Variants in TCF4 observed in about 807,000 individuals in gnomAD.
The protein encoded by TCF4 is SL3-3 enhancer factor 2.
TCF4 carries 3 observed loss-of-function variants against 82.1 expected under a neutral mutation model. The observed-to-expected ratio is 0.04, with a 90% CI of 0.02 to 0.09. The LOEUF (loss-of-function observed/expected upper bound fraction) is 0.09. Ranked by LOEUF, TCF4 falls within the 10% of genes least tolerant of loss-of-function variation. The pLI, the probability that TCF4 is intolerant of heterozygous loss-of-function variation, is 1.00. For missense variants in TCF4, 518 were observed against 852.7 expected, an observed-to-expected ratio of 0.61 and a Z score of 4.89; for synonymous variants, 276 against 309.6, an observed-to-expected ratio of 0.89 and a Z score of 1.14.
At chr18:55,253,823 T>A in intron 15 of TCF4, among the ~76,000 whole-genome samples, 1 of 152,192 alleles carries the variant, frequency 6.6e-6, no homozygotes, top group East Asian at 1.9e-4. Flanking sequence ...CAATGTCATA[T>A]TATAATATGA....
rs909648858 is a variant in TCF4, at chr18:55,398,056, T to C, written c.369+5398A>G. On this transcript the variant is annotated intron_variant, in intron 6 of 19. Coordinates refer to ENST00000354452, the MANE Select transcript of TCF4 (RefSeq NM_001083962.2). Reference sequence around the variant, plus strand: ...TCCCCGTTAACATCCAGGAAGCTGCTGGTGGGGATAGAAGGGAAGGTATAC... The same window carrying C: ...TCCCCGTTAACATCCAGGAAGCTGCCGGTGGGGATAGAAGGGAAGGTATAC... Among the ~76,000 whole-genome samples the C allele has an allele frequency of 2.6e-5, 4 of 152,328 alleles. No homozygotes were observed. The East Asian group carries it at 7.7e-4, about 29-fold the overall frequency.
At chr18:55,367,569 C>A (rs763002360) in intron 6 of TCF4, among the ~76,000 whole-genome samples, 1 of 152,226 alleles carries the variant, frequency 6.6e-6, no homozygotes, top group Admixed American at 6.5e-5. Context: ...AAGGTAATTT[C>A]TTCCATAAAC....
At chr18:55,486,386 G>A (rs1450128247) in intron 3 of TCF4, among the ~76,000 whole-genome samples, 1 of 152,154 alleles carries the variant, frequency 6.6e-6, no homozygotes, top group East Asian at 1.9e-4. Context: ...GGGGCCAGAA[G>A]TTGGAGACCT....
chr18:55,511,753 T>TA (rs1185157640), intron 3 of TCF4, among the ~76,000 whole-genome samples: 1 of 152,114 alleles, frequency 6.6e-6, no homozygotes, highest in Non-Finnish European at 1.5e-5. Context: ...TTACATGACA[T>TA]AAAGGGAGAA....
intron 8 of TCF4, among the ~76,000 whole-genome samples, chr18:55,327,479 A>T (rs1265566088): frequency 1.3e-5 from 2 of 152,128 alleles, no homozygotes; most frequent in Admixed American, 1.3e-4. Context: ...ATCAGCGTAA[A>T]CTGTGAAATC....
rs544022537 is a variant in TCF4, at chr18:55,313,916, A to T, written c.550-34260T>A. ...ATTTTCATCCCAGATCTTCAATCCT[A>T]CTTCAATGAGTTTGACATTTCCCTC... is the stretch of plus-strand genomic sequence containing the variant. On this transcript the variant is annotated intron_variant, in intron 8 of 19. Transcript: ENST00000354452. 2.0e-5 allele frequency among the ~76,000 whole-genome samples: 3 copies of T among 152,254 alleles called. No individual in the cohort carries two copies. In the South Asian group the frequency reaches 6.2e-4, roughly 32 times the overall value.
intron 3 of TCF4, among the ~76,000 whole-genome samples, chr18:55,531,522 C>T (rs956012853): frequency 6.6e-6 from 1 of 152,110 alleles, no homozygotes; most frequent in Admixed American, 6.5e-5. Flanking sequence ...CACACACATA[C>T]ATATAAATCA....
chr18:55,430,773 C>T (rs1383833205), intron 5 of TCF4, among the ~76,000 whole-genome samples: 1 of 152,172 alleles, frequency 6.6e-6, no homozygotes, highest in Non-Finnish European at 1.5e-5. Context: ...TGCTGTGCCA[C>T]TCTAGGAGAT....
intron 2 of TCF4, among the ~76,000 whole-genome samples, chr18:55,595,051 A>C (rs939160811): frequency 6.6e-6 from 1 of 152,214 alleles, no homozygotes; most frequent in Non-Finnish European, 1.5e-5. Flanking sequence ...CCACTCTGCA[A>C]GTCCTCCAAA....
rs149394882 is a variant in TCF4, at chr18:55,301,579, T to A, written c.550-21923A>T. Among the ~76,000 whole-genome samples, 589 of 152,270 alleles carry A rather than the reference T, an allele frequency of 3.9e-3. 2 individuals are homozygous for A. Among genetic ancestry groups the A allele is most frequent in the Admixed American group, 7.6e-3 (117 of 15,300 alleles). ...TAAACACACGCAACGGCTCTAATTT[T>A]TCTTCCTTCCCCCTATCCCATTATA... On this transcript the variant is annotated intron_variant, in intron 8 of 19. Transcript: ENST00000354452.
At chr18:55,326,177 A>C (rs374900310) in intron 8 of TCF4, among the ~76,000 whole-genome samples, 7 of 152,246 alleles carry the variant, frequency 4.6e-5, no homozygotes, top group Admixed American at 3.3e-4. Context: ...GGTCAGACAC[A>C]TCTTGATGAG....
chr18:55,246,728 T>A (rs944210887), intron 15 of TCF4, among the ~76,000 whole-genome samples: 2 of 152,050 alleles, frequency 1.3e-5, no homozygotes, highest in East Asian at 1.9e-4. Context: ...TTTTCAGTTT[T>A]AAAAAAATAA....
chr18:55,552,583 G>C (rs1424671502), intron 3 of TCF4, among the ~76,000 whole-genome samples: 1 of 152,190 alleles, frequency 6.6e-6, no homozygotes, highest in Non-Finnish European at 1.5e-5. Context: ...CAGGCCACGG[G>C]ACACACCAGT....
At chr18:55,292,741 C>T (rs142784059) in intron 8 of TCF4, among the ~76,000 whole-genome samples, 271 of 151,398 alleles carry the variant, frequency 1.8e-3, no homozygotes, top group African/African-American at 6.2e-3. Context: ...TGCGTAGATA[C>T]ATATATGTAT....
intron 5 of TCF4, among the ~76,000 whole-genome samples, chr18:55,413,534 TCCAA>T (rs888732009): frequency 6.6e-6 from 1 of 151,872 alleles, no homozygotes; most frequent in Non-Finnish European, 1.5e-5. Context: ...CTCCCCAGAG[TCCAA>T]CCAGCCTGCA....
Position 55,626,092 on chromosome 18 carries a change from C to A in TCF4, c.286+5206G>T, listed in dbSNP as rs2097726301. 2.0e-5 allele frequency among the ~76,000 whole-genome samples: 3 copies of A among 152,256 alleles called. No individual in the cohort carries two copies. In the South Asian group the frequency reaches 6.2e-4, roughly 32 times the overall value. ...TGTCAGCATTTCAGGATGTGTTGTA[C>A]TATTTTATGGTGCACACTATTCCAA... On this transcript the variant is annotated intron_variant, in intron 2 of 20. Coordinates refer to the TCF4 transcript ENST00000398339.
At chr18:55,532,640 G>A (rs566231010) in intron 3 of TCF4, among the ~76,000 whole-genome samples, 1 of 152,288 alleles carries the variant, frequency 6.6e-6, no homozygotes, top group South Asian at 2.1e-4. Context: ...ACTTCAAGAG[G>A]CAGTTCTAGC....
intron 11 of TCF4, 73 bp downstream of exon 11, chr18:55,269,758 G>C (rs761607941): frequency 6.9e-6 from 11 of 1,593,430 alleles, no homozygotes; most frequent in Non-Finnish European, 8.6e-6. Flanking sequence ...GTTATGAAAG[G>C]GAAAAAGAGG....
At chr18:55,513,178 C>CT (rs1487109965) in intron 3 of TCF4, among the ~76,000 whole-genome samples, 1 of 152,172 alleles carries the variant, frequency 6.6e-6, no homozygotes, top group Non-Finnish European at 1.5e-5. Flanking sequence ...CTAGTGCTGA[C>CT]TTCAGGTCCC....
Sources: gnomAD v4.1 joint callset for allele counts (sites outside exome capture counted in the v4.1 genomes callset) on GRCh38, gnomAD v4.1.1 for gene constraint, MANE v1.5 for transcripts, NCBI Gene and HGNC (gene_info 2026-07-23, HGNC 2026-07-21) for gene names.